GRM1: variants seen among roughly 807,000 people sequenced by gnomAD.
GRM1 encodes the protein metabotropic glutamate receptor 1.
Under a neutral mutation model 90.9 loss-of-function variants are expected in GRM1, and 33 were observed. That is an observed-to-expected ratio of 0.36 (90% CI 0.28 to 0.49). The LOEUF is 0.49. Ranked by LOEUF, GRM1 falls within the 20% of genes least tolerant of loss-of-function variation. The pLI, the probability that GRM1 is intolerant of heterozygous loss-of-function variation, is 0.99. For missense variants in GRM1, 1,190 were observed against 1,534.3 expected (o/e 0.78, Z 3.75); for synonymous variants, 700 against 613.2 (o/e 1.14, Z -2.09).
At chr6:146,179,815 C>A (rs1778478320) in intron 2 of GRM1, among the ~76,000 whole-genome samples, 2 of 151,942 alleles carry the variant, frequency 1.3e-5, no homozygotes, top group African/African-American at 4.8e-5. Context: ...CTGCCCAGCC[C>A]AGAACTCAGA....
chr6:146,436,491 T>C lies in GRM1; in HGVS notation c.*1695T>C, dbSNP rs1330840720. 1 of 152,228 alleles carries C rather than the reference T, an allele frequency of 6.6e-6. No homozygotes were observed. Among genetic ancestry groups the C allele is most frequent in the Non-Finnish European group, 1.5e-5 (1 of 68,032 alleles). 9.4% of individuals were successfully genotyped at this position (152,228 alleles called of 1,614,324 possible). On this transcript the variant is annotated 3_prime_UTR_variant, in exon 8 of 8. Transcript: ENST00000282753. ...TCCACAGCTACTTGAGTGTCTAACA[T>C]ACAGTAACATCTAACTCAGCTAATA...
At chr6:146,129,351 A>C (rs1347260268) in intron 1 of GRM1, among the ~76,000 whole-genome samples, 2 of 152,178 alleles carry the variant, frequency 1.3e-5, no homozygotes, top group East Asian at 3.9e-4. Flanking sequence ...CTTCTTCTTG[A>C]AGTGCAGTGT....
At chr6:146,374,758 C>T (rs1776031952) in intron 5 of GRM1, among the ~76,000 whole-genome samples, 1 of 151,966 alleles carries the variant, frequency 6.6e-6, no homozygotes, top group Non-Finnish European at 1.5e-5. Context: ...GATCTTCTCT[C>T]TTTTTTTGTT....
intron 1 of GRM1, among the ~76,000 whole-genome samples, chr6:146,150,101 T>C (rs1439582479): frequency 6.6e-6 from 1 of 151,980 alleles, no homozygotes. Context: ...CCAAACAAAT[T>C]AAAAGGCTGC....
intron 2 of GRM1, among the ~76,000 whole-genome samples, chr6:146,256,245 A>C (rs1235663236): frequency 6.6e-6 from 1 of 152,198 alleles, no homozygotes; most frequent in East Asian, 1.9e-4. Context: ...TGAATGTTAA[A>C]TGAGAAAATA....
intron 2 of GRM1, among the ~76,000 whole-genome samples, chr6:146,187,253 A>G (rs1460364206): frequency 6.6e-6 from 1 of 152,186 alleles, no homozygotes; most frequent in Non-Finnish European, 1.5e-5. Flanking sequence ...TTAATCAACT[A>G]TTATAAAATA....
chr6:146,207,563 C>A (rs1779537697), intron 2 of GRM1, among the ~76,000 whole-genome samples: 1 of 152,056 alleles, frequency 6.6e-6, no homozygotes, highest in Non-Finnish European at 1.5e-5. Context: ...TGCATAGTTA[C>A]TAGTTAAGTA....
At chr6:146,367,909 A>T (rs1435354582) in intron 5 of GRM1, among the ~76,000 whole-genome samples, 1 of 151,972 alleles carries the variant, frequency 6.6e-6, no homozygotes, top group African/African-American at 2.4e-5. Context: ...GAAGATTGCT[A>T]TTGGTATTTT....
chr6:146,336,681 C>A (rs535737497), intron 3 of GRM1, among the ~76,000 whole-genome samples: 1 of 152,308 alleles, frequency 6.6e-6, no homozygotes, highest in South Asian at 2.1e-4. Flanking sequence ...CAAGAGTTAC[C>A]TTTGCTCCTC....
chr6:146,128,864 A>G (rs575039777), intron 1 of GRM1, among the ~76,000 whole-genome samples: 7 of 152,280 alleles, frequency 4.6e-5, no homozygotes, highest in Admixed American at 3.3e-4. Flanking sequence ...CCCTAAAAGT[A>G]CAGACCATCC....
intron 1 of GRM1, among the ~76,000 whole-genome samples, chr6:146,085,647 T>C (rs1454214943): frequency 6.6e-6 from 1 of 152,156 alleles, no homozygotes. Context: ...AGGGAAGTGG[T>C]ATCTTCTATA....
At chr6:146,164,053 T>C (rs916306556) in intron 2 of GRM1, among the ~76,000 whole-genome samples, 25 of 150,926 alleles carry the variant, frequency 1.7e-4, no homozygotes, top group African/African-American at 5.0e-4. Context: ...ATTCTAATAG[T>C]TAACTGATGG....
At chr6:146,415,406 T>G (rs1218601765) in intron 7 of GRM1, among the ~76,000 whole-genome samples, 1 of 152,142 alleles carries the variant, frequency 6.6e-6, no homozygotes, top group East Asian at 1.9e-4. Flanking sequence ...GGATCGAGGT[T>G]TTTGTTTTTG....
At chr6:146,036,130 T>C (rs1361906615) in intron 1 of GRM1, among the ~76,000 whole-genome samples, 2 of 151,986 alleles carry the variant, frequency 1.3e-5, no homozygotes, top group Non-Finnish European at 2.9e-5. Flanking sequence ...ATACAATAAC[T>C]GCTTTGTGGA....
In GRM1 at chr6:146,434,297, C is replaced by A; in HGVS notation, c.3086C>A (p.Ser1029Ter). The stretch of plus-strand genomic sequence containing the variant: ...CAGCAACCCCCTCCACAGCAGAAAT[C>A]GCTGATGGACCAGCTCCAGGGAGTG... ...QQQQPPPQQK[S>*]LMDQLQGVVS... Residue 1029 changes from serine to a stop codon, truncating the protein, a stop_gained, in exon 8 of 8, where the codon TCG (serine) becomes TAG (stop). Transcript: ENST00000282753. LOFTEE classifies it high-confidence loss of function. 1.2e-6 allele frequency: 2 copies of A among 1,603,660 alleles called. No individual in the cohort carries two copies. The highest frequency in any genetic ancestry group is 1.7e-6 in the Non-Finnish European group (2 of 1,172,726).
At chr6:146,433,570 C>CAGAGGG (rs1230472812) in intron 7 of GRM1, among the ~76,000 whole-genome samples, 3 of 147,090 alleles carry the variant, frequency 2.0e-5, no homozygotes, top group Non-Finnish European at 4.5e-5. Flanking sequence ...CAGAGAGAGA[C>CAGAGGG]AGAGGGAGAG....
Position 146,434,543 on chromosome 6 carries a change from A to G in GRM1, c.3332A>G (p.Tyr1111Cys), listed in dbSNP as rs753451031. 2 of 1,614,132 alleles carry G rather than the reference A, an allele frequency of 1.2e-6. No individual in the cohort carries two copies. The highest frequency in any genetic ancestry group is 1.1e-5 in the South Asian group (1 of 91,080). ...TTTAAGCTCCTCCAGGAGTACGTGT[A>G]TGAGCACGAGCGGGAAGGGAACACG... ...ERFKLLQEYV[Y>C]EHEREGNTEE... The change falls in exon 8 of 8, where the codon TAT becomes TGT. Residue 1111 changes from tyrosine to cysteine, a missense_variant. By Grantham distance (194) the Tyr-to-Cys change is radical (BLOSUM62 -2). Transcript: ENST00000282753.
At position 146,434,402 on chromosome 6, in the gene GRM1, C is replaced by G; in HGVS notation, c.3191C>G (p.Ser1064Cys). The G allele has an allele frequency of 1.2e-6, 2 of 1,613,480 alleles. No individual in the cohort carries two copies. The highest frequency in any genetic ancestry group is 1.7e-6 in the Non-Finnish European group (2 of 1,179,790). Reference protein sequence around the residue: ...GPGGPGNGLRSLYPPPPPPQH... With the variant: ...GPGGPGNGLRCLYPPPPPPQH... ...GGTGGTCCCGGGAACGGGCTGCGGT[C>G]CCTGTACCCGCCCCCGCCACCTCCG... Residue 1064 changes from serine (S) to cysteine (C), a missense_variant, in exon 8 of 8, where the codon TCC becomes TGC. Transcript: ENST00000282753.
intron 5 of GRM1, among the ~76,000 whole-genome samples, chr6:146,373,443 A>G (rs1460769976): frequency 1.3e-5 from 2 of 152,092 alleles, no homozygotes; most frequent in Non-Finnish European, 2.9e-5. Flanking sequence ...TTGAACAACC[A>G]GATCTCATGA....
Sources: gnomAD v4.1 joint callset for allele counts (sites outside exome capture counted in the v4.1 genomes callset) on GRCh38, gnomAD v4.1.1 for gene constraint, MANE v1.5 for transcripts, NCBI Gene and HGNC (gene_info 2026-07-23, HGNC 2026-07-21) for gene names.